Variants in METTL15 observed in about 807,000 individuals in gnomAD.
The protein encoded by METTL15 is 12S rRNA N(4)-cytidine methyltransferase METTL15.
A neutral mutation model predicts 38.3 loss-of-function variants in METTL15; 34 were observed. The ratio of observed to expected loss-of-function variants is 0.89; its 90% CI spans 0.68 to 1.18. The LOEUF (loss-of-function observed/expected upper bound fraction) is 1.18. METTL15 is among the 50% of genes most tolerant of loss of function. The pLI is 0.00. For synonymous variants in METTL15, 162 were observed against 170.9 expected (o/e 0.95, Z 0.41); for missense variants, 438 against 498.4 (o/e 0.88, Z 1.15).
intron 3 of METTL15, among the ~76,000 whole-genome samples, chr11:28,345,028 C>T (rs1252281775): frequency 1.3e-5 from 2 of 152,118 alleles, no homozygotes; most frequent in African/African-American, 4.8e-5. Context: ...TTTACACTTA[C>T]AGCACATCTC....
intron 4 of METTL15, among the ~76,000 whole-genome samples, chr11:28,254,320 A>T (rs903770077): frequency 6.6e-6 from 1 of 151,992 alleles, no homozygotes; most frequent in Non-Finnish European, 1.5e-5. Flanking sequence ...GACTTTTTAT[A>T]TCGGATTATT....
intron 3 of METTL15, among the ~76,000 whole-genome samples, chr11:28,139,603 T>A (rs1419851221): frequency 6.6e-6 from 1 of 152,210 alleles, no homozygotes; most frequent in Non-Finnish European, 1.5e-5. Flanking sequence ...GATGCTAGCA[T>A]GACCTCTATC....
intron 3 of METTL15, among the ~76,000 whole-genome samples, chr11:28,207,820 T>G (rs926616766): frequency 5.3e-5 from 8 of 152,320 alleles, no homozygotes; most frequent in South Asian, 4.1e-4. Flanking sequence ...ATTCAACTTC[T>G]TCCTGGTTTA....
At chr11:28,520,234 A>G (rs970091356) in intron 6 of METTL15, among the ~76,000 whole-genome samples, 1 of 152,050 alleles carries the variant, frequency 6.6e-6, no homozygotes, top group Non-Finnish European at 1.5e-5. Context: ...GCTACTCAGG[A>G]GTCTGAGGTG....
chr11:28,294,136 T>G (rs1856637448), intron 5 of METTL15, among the ~76,000 whole-genome samples: 1 of 152,212 alleles, frequency 6.6e-6, no homozygotes. Context: ...CTTGTGCCAA[T>G]TTTCAAAGGG....
At chr11:28,470,049 A>G (rs960079658) in intron 6 of METTL15, among the ~76,000 whole-genome samples, 2 of 150,232 alleles carry the variant, frequency 1.3e-5, no homozygotes, top group African/African-American at 2.4e-5. Flanking sequence ...AAAGAAAAAA[A>G]CCTCACAATC....
intron 5 of METTL15, among the ~76,000 whole-genome samples, chr11:28,423,054 T>C (rs1453773836): frequency 1.3e-5 from 2 of 151,982 alleles, no homozygotes; most frequent in African/African-American, 4.8e-5. Context: ...TGAATAGACA[T>C]TTCTTAAAAG....
At chr11:28,306,338 C>T (rs555045031) in intron 6 of METTL15, among the ~76,000 whole-genome samples, 78 of 152,120 alleles carry the variant, frequency 5.1e-4, no homozygotes, top group Admixed American at 2.6e-3. Flanking sequence ...ATATGACTAA[C>T]CAGGCCATCT....
chr11:28,412,762 G>T (rs144979375), intron 5 of METTL15, among the ~76,000 whole-genome samples: 4 of 151,966 alleles, frequency 2.6e-5, no homozygotes, highest in African/African-American at 9.7e-5. Flanking sequence ...GAGATGGGGA[G>T]ATTTAGTTCA....
intron 6 of METTL15, among the ~76,000 whole-genome samples, chr11:28,442,523 AC>A (rs755580543): frequency 1.3e-5 from 2 of 152,214 alleles, no homozygotes; most frequent in Non-Finnish European, 2.9e-5. Flanking sequence ...AATTTAGCCA[AC>A]TTTTTCAGTA....
At chr11:28,365,486 ATTGT>A (rs1226798605) in intron 5 of METTL15, among the ~76,000 whole-genome samples, 4 of 152,096 alleles carry the variant, frequency 2.6e-5, no homozygotes, top group African/African-American at 9.7e-5. Flanking sequence ...GTCTCTGAAG[ATTGT>A]TTGTATTTCT....
At chr11:28,386,253 C>T (rs575719611) in intron 5 of METTL15, among the ~76,000 whole-genome samples, 2 of 151,864 alleles carry the variant, frequency 1.3e-5, no homozygotes, top group South Asian at 2.1e-4. Flanking sequence ...TAAATCTTTC[C>T]CTATCAGTAA....
At chr11:28,363,499 T>C (rs1396308473) in intron 5 of METTL15, among the ~76,000 whole-genome samples, 4 of 152,198 alleles carry the variant, frequency 2.6e-5, no homozygotes, top group Admixed American at 2.6e-4. Context: ...TTTTGAGAAG[T>C]GTCTGTTCAT....
At chr11:28,297,035 C>A (rs1856765720) in intron 6 of METTL15, 104 bp downstream of exon 6, 8 of 1,133,612 alleles carry the variant, frequency 7.1e-6, no homozygotes, top group South Asian at 1.4e-5. Flanking sequence ...GTGCATTAAT[C>A]CCCCAGACTC....
intron 5 of METTL15, among the ~76,000 whole-genome samples, chr11:28,368,802 A>C (rs1247386651): frequency 2.0e-5 from 3 of 152,180 alleles, no homozygotes; most frequent in African/African-American, 7.2e-5. Context: ...GCATGTATAC[A>C]CCATGGAATA....
intron 3 of METTL15, among the ~76,000 whole-genome samples, chr11:28,162,982 G>A (rs902877758): frequency 3.3e-5 from 5 of 152,062 alleles, no homozygotes; most frequent in Admixed American, 6.6e-5. Flanking sequence ...CAAACATGGT[G>A]TAGATTGTTT....
At chr11:28,394,486 G>T (rs1458102720) in intron 5 of METTL15, among the ~76,000 whole-genome samples, 1 of 151,956 alleles carries the variant, frequency 6.6e-6, no homozygotes, top group East Asian at 1.9e-4. Flanking sequence ...CACAAGGAGG[G>T]GGGTGGAAGT....
chr11:28,292,478 T>A (rs1856556913), intron 5 of METTL15, among the ~76,000 whole-genome samples: 1 of 152,252 alleles, frequency 6.6e-6, no homozygotes, highest in South Asian at 2.1e-4. Context: ...TTTGGGTCAG[T>A]TCCAAGTCTT....
At chr11:28,201,752 C>T (rs1053574031) in intron 3 of METTL15, among the ~76,000 whole-genome samples, 5 of 151,962 alleles carry the variant, frequency 3.3e-5, no homozygotes, top group African/African-American at 1.2e-4. Flanking sequence ...TCTACTTTGG[C>T]CCACTGTTGT....
Sources: allele counts gnomAD v4.1 joint callset (sites outside exome capture counted in the v4.1 genomes callset), GRCh38; gene constraint gnomAD v4.1.1; transcripts MANE v1.5; gene names NCBI Gene and HGNC (gene_info 2026-07-23, HGNC 2026-07-21).